TMEM178B: variants seen among roughly 807,000 people sequenced by gnomAD.
TMEM178B encodes the protein transmembrane protein 178B.
Under a neutral mutation model 31.0 loss-of-function variants are expected in TMEM178B, and 5 were observed. That is an observed-to-expected ratio of 0.16 (90% CI 0.08 to 0.34). The LOEUF is 0.34. Ranked by LOEUF, TMEM178B falls within the 10% of genes least tolerant of loss-of-function variation. The pLI, the probability that TMEM178B is intolerant of heterozygous loss-of-function variation, is 1.00. For synonymous variants in TMEM178B, 164 were observed against 164.0 expected (o/e 1.00, Z 0.00); for missense variants, 275 against 400.3 (o/e 0.69, Z 2.67).
chr7:141,282,519 C>A (rs540970046), intron 2 of TMEM178B, among the ~76,000 whole-genome samples: 22 of 152,312 alleles, frequency 1.4e-4, no homozygotes, highest in Middle Eastern at 3.4e-3. Context: ...GGGTGAAGAA[C>A]AACTTTGAAG....
At chr7:141,219,680 G>A (rs756088519) in intron 2 of TMEM178B, among the ~76,000 whole-genome samples, 10 of 152,158 alleles carry the variant, frequency 6.6e-5, no homozygotes, top group Non-Finnish European at 2.9e-5. Flanking sequence ...CCACTGCCTT[G>A]TGCCTGTCCT....
intron 2 of TMEM178B, among the ~76,000 whole-genome samples, chr7:141,257,949 G>A (rs1797954102): frequency 6.6e-6 from 1 of 151,296 alleles, no homozygotes; most frequent in African/African-American, 2.4e-5. Flanking sequence ...TAGTTAAATA[G>A]ATATTTTCTA....
intron 1 of TMEM178B, among the ~76,000 whole-genome samples, chr7:141,144,175 G>C (rs2129179600): frequency 6.6e-6 from 1 of 152,200 alleles, no homozygotes; most frequent in Admixed American, 6.5e-5. Context: ...AAGACAATTT[G>C]ACTCCTTCTT....
Position 141,336,139 on chromosome 7 carries a change from C to A in TMEM178B, c.497-101469C>A, listed in dbSNP as rs899954049. On this transcript the variant is annotated intron_variant, in intron 2 of 3. Coordinates refer to ENST00000565468, the MANE Select transcript of TMEM178B (RefSeq NM_001195278.2). ...TGCCAACTGGAAGAATCTCGCTGGC[C>A]CCGCCCTGGTCATCCTGGGCTACAC... Among the ~76,000 whole-genome samples the A allele has an allele frequency of 2.0e-5, 3 of 152,136 alleles. No individual in the cohort carries two copies. In the East Asian group the frequency reaches 5.8e-4, roughly 29 times the overall value.
intron 2 of TMEM178B, among the ~76,000 whole-genome samples, chr7:141,249,388 T>C (rs1797792704): frequency 1.3e-5 from 2 of 152,210 alleles, no homozygotes; most frequent in African/African-American, 2.4e-5. Context: ...AAACCTCTTT[T>C]TCTTTATAAA....
At chr7:141,337,110 CCACCACCAT>C (rs1312527025) in intron 2 of TMEM178B, among the ~76,000 whole-genome samples, 29 of 52,434 alleles carry the variant, frequency 5.5e-4, no homozygotes, top group East Asian at 3.1e-3. Context: ...ATCATCACCA[CCACCACCAT>C]CACCACCATC....
At chr7:141,223,479 CTTTT>C (rs10680431) in intron 2 of TMEM178B, among the ~76,000 whole-genome samples, 7 of 131,146 alleles carry the variant, frequency 5.3e-5, no homozygotes, top group Non-Finnish European at 3.2e-5. Flanking sequence ...TGTTTTCACT[CTTTT>C]TTTTTTTTTT....
intron 1 of TMEM178B, among the ~76,000 whole-genome samples, chr7:141,202,859 C>T (rs1796899966): frequency 6.6e-6 from 1 of 152,168 alleles, no homozygotes; most frequent in Non-Finnish European, 1.5e-5. Flanking sequence ...CCTTCTCCAC[C>T]TCTCCCATTT....
At chr7:141,415,143 A>C (rs1032729858) in intron 2 of TMEM178B, 3 of 152,368 alleles carry the variant, frequency 2.0e-5, no homozygotes, top group African/African-American at 7.2e-5. Context: ...AGAGTCACAC[A>C]GGAAGGGCCT....
chr7:141,169,453 T>C (rs1055049290), intron 1 of TMEM178B, among the ~76,000 whole-genome samples: 15 of 152,240 alleles, frequency 9.9e-5, no homozygotes, highest in Non-Finnish European at 2.1e-4. Flanking sequence ...CACTGATGAG[T>C]GTTTAGGTTG....
At chr7:141,180,062 G>A (rs920029677) in intron 1 of TMEM178B, among the ~76,000 whole-genome samples, 1 of 152,144 alleles carries the variant, frequency 6.6e-6, no homozygotes, top group Non-Finnish European at 1.5e-5. Flanking sequence ...GTAAATGGCT[G>A]GTGGTCCATA....
intron 1 of TMEM178B, among the ~76,000 whole-genome samples, chr7:141,075,522 C>T (rs553339353): frequency 6.6e-6 from 1 of 152,244 alleles, no homozygotes; most frequent in East Asian, 1.9e-4. Flanking sequence ...TTAAAAAATT[C>T]TGCTTATCGG....
chr7:141,397,133 C>T (rs945719329), intron 2 of TMEM178B, among the ~76,000 whole-genome samples: 7 of 152,214 alleles, frequency 4.6e-5, no homozygotes, highest in African/African-American at 1.7e-4. Flanking sequence ...AGATGAACTT[C>T]AGTTGGTGCC....
intron 2 of TMEM178B, among the ~76,000 whole-genome samples, chr7:141,226,400 A>C (rs1797342546): frequency 6.6e-6 from 1 of 152,034 alleles, no homozygotes; most frequent in South Asian, 2.1e-4. Flanking sequence ...ACCCTCTCTC[A>C]TCTCACATTG....
chr7:141,226,177 T>G (rs1797338730), intron 2 of TMEM178B, among the ~76,000 whole-genome samples: 1 of 152,146 alleles, frequency 6.6e-6, no homozygotes, highest in South Asian at 2.1e-4. Flanking sequence ...AAAGCTACTG[T>G]GCACAAGTCA....
At chr7:141,446,122 T>A (rs1294320488) in intron 3 of TMEM178B, among the ~76,000 whole-genome samples, 1 of 152,230 alleles carries the variant, frequency 6.6e-6, no homozygotes. Flanking sequence ...TTACCTAATG[T>A]ACCTCACGTA....
At chr7:141,236,845 C>T (rs1037001138) in intron 2 of TMEM178B, among the ~76,000 whole-genome samples, 3 of 151,986 alleles carry the variant, frequency 2.0e-5, no homozygotes, top group Non-Finnish European at 4.4e-5. Flanking sequence ...ACTGTGCAGG[C>T]CAAAAAGTAA....
chr7:141,372,029 C>T (rs1296522250), intron 2 of TMEM178B, among the ~76,000 whole-genome samples: 1 of 152,188 alleles, frequency 6.6e-6, no homozygotes, highest in Non-Finnish European at 1.5e-5. Flanking sequence ...TAATCCCCCA[C>T]ATCCTTTCTC....
intron 1 of TMEM178B, among the ~76,000 whole-genome samples, chr7:141,192,760 C>G (rs1046585801): frequency 1.1e-4 from 16 of 152,164 alleles, no homozygotes; most frequent in Non-Finnish European, 1.6e-4. Context: ...GCCACTGTGC[C>G]CAGCCAGTGG....
Sources: allele counts gnomAD v4.1 joint callset (sites outside exome capture counted in the v4.1 genomes callset), GRCh38; gene constraint gnomAD v4.1.1; transcripts MANE v1.5; gene names NCBI Gene and HGNC (gene_info 2026-07-23, HGNC 2026-07-21).